TFPI: variants seen among roughly 807,000 people sequenced by gnomAD.
The protein encoded by TFPI is anti-convertin.
Under a neutral mutation model 34.6 loss-of-function variants are expected in TFPI, and 15 were observed. The ratio of observed to expected loss-of-function variants is 0.43; its 90% CI spans 0.29 to 0.67. The LOEUF (loss-of-function observed/expected upper bound fraction) is 0.67. Among genes scored for constraint, TFPI ranks in the 30% least tolerant of loss-of-function variants. The pLI is 0.15. For synonymous variants in TFPI, 105 were observed against 120.1 expected (o/e 0.87, Z 0.82); for missense variants, 301 against 364.0 (o/e 0.83, Z 1.41).
chr2:187,505,663 G>A (rs1369997064), intron 1 of TFPI, among the ~76,000 whole-genome samples: 1 of 152,056 alleles, frequency 6.6e-6, no homozygotes, highest in Non-Finnish European at 1.5e-5. Context: ...TATGGTCCAG[G>A]CTTAAATAGC....
At chr2:187,522,805 G>A (rs1345283656) in intron 1 of TFPI, among the ~76,000 whole-genome samples, 1 of 150,900 alleles carries the variant, frequency 6.6e-6, no homozygotes, top group Non-Finnish European at 1.5e-5. Flanking sequence ...GCAGGAGAAT[G>A]GCGTGAACCC....
At chr2:187,551,135 C>A (rs1689081847) in intron 1 of TFPI, among the ~76,000 whole-genome samples, 1 of 152,040 alleles carries the variant, frequency 6.6e-6, no homozygotes, top group Non-Finnish European at 1.5e-5. Context: ...CTTTCTTATG[C>A]CCTAATAAGC....
intron 1 of TFPI, chr2:187,516,636 CAT>C (rs1250531811): frequency 2.0e-5 from 3 of 152,154 alleles, no homozygotes; most frequent in Admixed American, 6.5e-5. Flanking sequence ...GACCACCTCT[CAT>C]ATTGTCTTAT....
chr2:187,468,396 C>G (rs1170210231), intron 6 of TFPI, among the ~76,000 whole-genome samples: 5 of 151,998 alleles, frequency 3.3e-5, no homozygotes, highest in African/African-American at 1.2e-4. Context: ...AACACTGAAG[C>G]TGAGGAAGAG....
intron 3 of TFPI, among the ~76,000 whole-genome samples, chr2:187,496,105 T>G (rs73048694): frequency 0.031 from 4,711 of 152,214 alleles, 242 homozygotes; most frequent in African/African-American, 0.1. Flanking sequence ...CTTTTGAAAT[T>G]TATAACTTAG....
intron 3 of TFPI, among the ~76,000 whole-genome samples, chr2:187,491,561 T>C (rs1290242400): frequency 6.6e-6 from 1 of 152,128 alleles, no homozygotes; most frequent in African/African-American, 2.4e-5. Flanking sequence ...ATGGAGTATA[T>C]GTGTATATAT....
chr2:187,480,871 C>T (rs1041429711), intron 6 of TFPI, among the ~76,000 whole-genome samples: 1 of 151,952 alleles, frequency 6.6e-6, no homozygotes, highest in Middle Eastern at 3.4e-3. Context: ...AAAAATTACA[C>T]CGGAATTGTG....
intron 3 of TFPI, among the ~76,000 whole-genome samples, chr2:187,495,090 A>C (rs1685384625): frequency 6.6e-6 from 1 of 152,222 alleles, no homozygotes; most frequent in African/African-American, 2.4e-5. Context: ...CTAGCCAGAA[A>C]TGATATTTTA....
intron 1 of TFPI, chr2:187,516,239 T>C (rs1559137279): frequency 6.6e-6 from 1 of 152,162 alleles, no homozygotes; most frequent in East Asian, 1.9e-4. Flanking sequence ...AAACAATTGC[T>C]GTTTGCACAT....
rs894710614 is a variant in TFPI, at chr2:187,532,947, G to A, written c.-3+21253C>T. Among the ~76,000 whole-genome samples the A allele has an allele frequency of 5.9e-5, 9 of 152,178 alleles. No individual in the cohort carries two copies. The South Asian group carries it at 1.5e-3, about 25-fold the overall frequency. Reference sequence around the variant, plus strand: ...GAGTAGCCGGTTTTCCCCTCACAGTGTAAACAAAGCCCCAGGGAAGTTCCA... The same window carrying A: ...GAGTAGCCGGTTTTCCCCTCACAGTATAAACAAAGCCCCAGGGAAGTTCCA... On this transcript the variant is annotated intron_variant, in intron 1 of 7. Transcript: ENST00000233156.
intron 6 of TFPI, among the ~76,000 whole-genome samples, chr2:187,480,125 A>C (rs779708531): frequency 1.3e-5 from 2 of 152,058 alleles, no homozygotes; most frequent in African/African-American, 2.4e-5. Flanking sequence ...TCTAGTATGA[A>C]TTCTTCTTAA....
chr2:187,553,358 G>C (rs1689160732), intron 1 of TFPI, among the ~76,000 whole-genome samples: 2 of 151,892 alleles, frequency 1.3e-5, no homozygotes, highest in South Asian at 4.1e-4. Flanking sequence ...TGTGGCTGTT[G>C]CTTATCTTTT....
intron 1 of TFPI, among the ~76,000 whole-genome samples, chr2:187,553,439 C>G (rs938317396): frequency 6.6e-6 from 1 of 151,970 alleles, no homozygotes; most frequent in Non-Finnish European, 1.5e-5. Flanking sequence ...AGTGCTTTTT[C>G]ATAATTAAAT....
chr2:187,532,347 G>A (rs1260302581), intron 1 of TFPI, among the ~76,000 whole-genome samples: 1 of 152,234 alleles, frequency 6.6e-6, no homozygotes, highest in Non-Finnish European at 1.5e-5. Flanking sequence ...AATGCAGAAG[G>A]TGCGTGATTT....
intron 1 of TFPI, among the ~76,000 whole-genome samples, chr2:187,538,416 T>C (rs1391048076): frequency 6.6e-6 from 1 of 152,208 alleles, no homozygotes; most frequent in Non-Finnish European, 1.5e-5. Flanking sequence ...TAAAAAAGGA[T>C]GTGTTCATGT....
rs534242998 is a variant in TFPI, at chr2:187,502,177, A to G, written c.121+1471T>C. 1.4e-4 allele frequency among the ~76,000 whole-genome samples: 22 copies of G among 152,320 alleles called. No homozygotes were observed. In the South Asian group the frequency reaches 4.3e-3, roughly 30 times the overall value. On this transcript the variant is annotated intron_variant, in intron 2 of 7. Coordinates refer to ENST00000233156, the MANE Select transcript of TFPI (RefSeq NM_006287.6). ...ATATCAAAATTCTTTGTTACCACCT[A>G]GGTTTGGAAGCTACCTTATAGTAAT...
rs8176468 is a variant in TFPI, at chr2:187,493,600, GCT to G, written c.319+3279_319+3280del. The stretch of plus-strand genomic sequence containing the variant: ...AGCTGCAAATTTTCCATACTTTTAT[GCT>G]CTGTTTCTCTTTTGAAACTGAATGC... On this transcript the variant is annotated intron_variant, in intron 3 of 7. Transcript: ENST00000233156. Among the ~76,000 whole-genome samples the G allele has an allele frequency of 1.7e-3, 264 of 152,110 alleles. 2 individuals are homozygous for G. Among genetic ancestry groups the G allele is most frequent in the African/African-American group, 6.1e-3 (253 of 41,480 alleles).
chr2:187,549,924 G>A (rs1446989068), intron 1 of TFPI, among the ~76,000 whole-genome samples: 1 of 152,006 alleles, frequency 6.6e-6, no homozygotes, highest in Non-Finnish European at 1.5e-5. Flanking sequence ...TTGGTCAGTG[G>A]AGAGCAGTGA....
rs559913945 is a variant in TFPI, at chr2:187,512,859, GAAAT to G, written c.-2-9093_-2-9090del. 3.7e-3 allele frequency among the ~76,000 whole-genome samples: 556 copies of G among 152,152 alleles called. 3 individuals carry two copies. Among genetic ancestry groups the G allele is most frequent in the Non-Finnish European group, 6.5e-3 (444 of 67,970 alleles). On this transcript the variant is annotated intron_variant, in intron 1 of 7. Coordinates refer to ENST00000233156, the MANE Select transcript of TFPI (RefSeq NM_006287.6). ...TAAATTAACTGGTTGTTTAAAGAAA[GAAAT>G]GTTTGTAATAAGTCAGAAAGTTAAC...
Sources: allele counts gnomAD v4.1 joint callset (sites outside exome capture counted in the v4.1 genomes callset), GRCh38; gene constraint gnomAD v4.1.1; transcripts MANE v1.5; gene names NCBI Gene and HGNC (gene_info 2026-07-23, HGNC 2026-07-21).